PROX2: variants seen among roughly 807,000 people sequenced by gnomAD.
The protein encoded by PROX2 is prospero homeobox 2, also known as prospero homeobox protein 2.
Under a neutral mutation model 48.9 loss-of-function variants are expected in PROX2, and 46 were observed. The ratio of observed to expected loss-of-function variants is 0.94; its 90% CI spans 0.74 to 1.20. The LOEUF is 1.20. Among genes scored for constraint, PROX2 ranks in the 50% most tolerant of loss-of-function variants. The pLI is 0.00. For missense variants in PROX2, 663 were observed against 719.4 expected (o/e 0.92, Z 0.90); for synonymous variants, 260 against 276.6 (o/e 0.94, Z 0.60).
intron 2 of PROX2, among the ~76,000 whole-genome samples, chr14:74,868,352 TATATATATA>T (rs1297010020): frequency 5.6e-5 from 6 of 107,732 alleles, no homozygotes; most frequent in African/African-American, 2.2e-4. Context: ...TATATATATA[TATATATATA>T]AACAAAAATG....
At chr14:74,860,401 G>C (rs566621518) in intron 3 of PROX2, among the ~76,000 whole-genome samples, 1 of 152,160 alleles carries the variant, frequency 6.6e-6, no homozygotes, top group South Asian at 2.1e-4. Context: ...CATTCTTAGG[G>C]GGGGAAAATC....
At chr14:74,865,969 A>G (rs2140171195) in intron 2 of PROX2, among the ~76,000 whole-genome samples, 1 of 150,366 alleles carries the variant, frequency 6.7e-6, no homozygotes, top group Middle Eastern at 3.6e-3. Context: ...CAAGAAAGCA[A>G]TTGGAGACTG....
At chr14:74,861,107 G>T in intron 3 of PROX2, 3 of 763,760 alleles carry the variant, frequency 3.9e-6, no homozygotes, top group Non-Finnish European at 6.1e-6. Flanking sequence ...GGCGCTCATG[G>T]CATTTAGGAC....
chr14:74,861,110 T>C, intron 3 of PROX2: 2 of 810,066 alleles, frequency 2.5e-6, no homozygotes, highest in Non-Finnish European at 1.9e-6. Context: ...GCTCATGGCA[T>C]TTAGGACACA....
intron 5 of PROX2, chr14:74,855,916 A>G (rs898585079): frequency 6.6e-6 from 1 of 151,096 alleles, no homozygotes; most frequent in African/African-American, 2.5e-5. Context: ...TGCCTGTCCC[A>G]TACTGGCCGT....
intron 1 of PROX2, among the ~76,000 whole-genome samples, chr14:74,874,724 T>G (rs754925374): frequency 1.3e-5 from 2 of 152,096 alleles, no homozygotes; most frequent in Non-Finnish European, 2.9e-5. Context: ...AGTTTGAGAG[T>G]TACTGACATT....
In PROX2 at chr14:74,863,608, C is replaced by T; in HGVS notation, c.227G>A (p.Cys76Tyr). The change falls in exon 3 of 6, where the codon TGT (cysteine) becomes TAT (tyrosine). Residue 76 changes from cysteine (C) to tyrosine (Y), a missense_variant. Transcript: ENST00000556489. ...TGGCACCAGAGGATTCGGGGAGAGA[C>T]ACATGCCTCGGACAATGGTCTCCAC... Reference protein sequence around the residue: ...ARVETIVRGMCLSPNPLVPGN... With the variant: ...ARVETIVRGMYLSPNPLVPGN... The T allele has an allele frequency of 6.2e-7, 1 of 1,606,812 alleles. No homozygotes were observed.
intron 3 of PROX2, chr14:74,858,811 G>GTGTGTGA: frequency 6.1e-6 from 1 of 164,576 alleles, no homozygotes; most frequent in Non-Finnish European, 1.1e-5. Flanking sequence ...TGTGTGTGTG[G>GTGTGTGA]TGTCTTAGAT....
At position 74,853,646 on chromosome 14, in the gene PROX2, G is replaced by GA. The variant is rs2091720903; in HGVS notation, c.*1485dup. 6.6e-6 allele frequency: 1 copy of GA among 152,068 alleles called. No individual in the cohort carries two copies. Among genetic ancestry groups the GA allele is most frequent in the Non-Finnish European group, 1.5e-5 (1 of 68,002 alleles). 9.4% of individuals were successfully genotyped at this position (152,068 alleles called of 1,614,324 possible). On this transcript the variant is annotated 3_prime_UTR_variant, in exon 6 of 6. Coordinates refer to ENST00000556489, the MANE Select transcript of PROX2 (RefSeq NM_001243007.2). ...CATCTGCTCCAGCAACACCCCACCAGAAAAATTATGGAAGTTGAGTAGCCG... is the reference window on the plus strand; with the variant it reads ...CATCTGCTCCAGCAACACCCCACCAGAAAAAATTATGGAAGTTGAGTAGCCG...
chr14:74,864,124 T>G (rs570531647), intron 2 of PROX2, 116 bp from the exon 3 acceptor site: 59 of 221,864 alleles, frequency 2.7e-4, no homozygotes, highest in African/African-American at 1.2e-3. Flanking sequence ...ATTCAGTAGA[T>G]GTGGGGTGGG....
At chr14:74,868,796 C>G (rs568464506) in intron 2 of PROX2, among the ~76,000 whole-genome samples, 1 of 151,744 alleles carries the variant, frequency 6.6e-6, no homozygotes, top group South Asian at 2.1e-4. Flanking sequence ...CGAGATCACG[C>G]CACTGCACTC....
At chr14:74,860,225 A>T (rs138619534) in intron 3 of PROX2, among the ~76,000 whole-genome samples, 1 of 152,326 alleles carries the variant, frequency 6.6e-6, no homozygotes, top group East Asian at 1.9e-4. Context: ...AGATAATACG[A>T]TGTGTGTACC....
At chr14:74,859,759 G>A (rs61978929) in intron 3 of PROX2, among the ~76,000 whole-genome samples, 2,352 of 152,294 alleles carry the variant, frequency 0.015, 24 homozygotes, top group Middle Eastern at 0.048. Flanking sequence ...CAGACCAACT[G>A]ACTATGGTTA....
At chr14:74,874,586 G>A (rs1883294791) in intron 1 of PROX2, among the ~76,000 whole-genome samples, 1 of 152,048 alleles carries the variant, frequency 6.6e-6, no homozygotes, top group Non-Finnish European at 1.5e-5. Flanking sequence ...AGTGGGCATT[G>A]GAGTGGACCT....
intron 3 of PROX2, among the ~76,000 whole-genome samples, chr14:74,860,278 A>T (rs947288727): frequency 6.6e-6 from 1 of 152,214 alleles, no homozygotes; most frequent in Non-Finnish European, 1.5e-5. Context: ...GTATAATCCA[A>T]TACATTAACA....
At position 74,854,184 on chromosome 14, in the gene PROX2, G is replaced by T. The variant is rs769019857; in HGVS notation, c.*948C>A. 2 of 424,482 alleles carry T rather than the reference G, an allele frequency of 4.7e-6. No individual in the cohort carries two copies. Among genetic ancestry groups the T allele is most frequent in the Non-Finnish European group, 9.5e-6 (2 of 210,484 alleles). The allele number at this position is 424,482 out of a possible 1,614,324, so 26.3% of individuals were successfully genotyped here. A position where few individuals can be genotyped will look rare whatever the true frequency, so the allele number is the denominator to read the frequency against. On this transcript the variant is annotated 3_prime_UTR_variant, in exon 6 of 6. Transcript: ENST00000556489. ...AGTTCAGCTTCTTCTGCATATATGA[G>T]GTTGGGGCACCAATTGCAATGGTCA...
At chr14:74,869,945 A>G (rs1352726200) in intron 2 of PROX2, among the ~76,000 whole-genome samples, 1 of 152,156 alleles carries the variant, frequency 6.6e-6, no homozygotes, top group African/African-American at 2.4e-5. Context: ...TAGACTCATA[A>G]ATTTATGTCA....
intron 1 of PROX2, among the ~76,000 whole-genome samples, chr14:74,872,148 G>A (rs1457775902): frequency 6.6e-6 from 1 of 152,200 alleles, no homozygotes; most frequent in Admixed American, 6.5e-5. Flanking sequence ...AAAGCAAGGT[G>A]GGCTATGGAG....
chr14:74,870,190 G>T (rs1287507821), intron 2 of PROX2, among the ~76,000 whole-genome samples: 2 of 151,900 alleles, frequency 1.3e-5, no homozygotes, highest in Non-Finnish European at 2.9e-5. Context: ...ACTTTGGGAG[G>T]CTAAGGTGGG....
Sources: gnomAD v4.1 joint callset for allele counts (sites outside exome capture counted in the v4.1 genomes callset) on GRCh38, gnomAD v4.1.1 for gene constraint, MANE v1.5 for transcripts, NCBI Gene and HGNC (gene_info 2026-07-23, HGNC 2026-07-21) for gene names.